SDK1: variants seen among roughly 807,000 people sequenced by gnomAD.
The protein encoded by SDK1 is protein sidekick-1.
In SDK1, 157 loss-of-function variants were observed where a neutral mutation model predicts 245.5. That is an observed-to-expected ratio of 0.64 (90% CI 0.56 to 0.73). The LOEUF (loss-of-function observed/expected upper bound fraction) is 0.73, where lower values mean the gene tolerates loss of function less well. Among genes scored for constraint, SDK1 ranks in the 30% least tolerant of loss-of-function variants. The pLI is 0.00. For missense variants in SDK1, 3,583 were observed against 3,002.3 expected (o/e 1.19, Z -4.52); for synonymous variants, 1,647 against 1,278.5 (o/e 1.29, Z -6.15).
At chr7:4,248,815 A>G (rs1787096990) in intron 44 of SDK1, among the ~76,000 whole-genome samples, 2 of 152,338 alleles carry the variant, frequency 1.3e-5, no homozygotes, top group Middle Eastern at 3.4e-3. Context: ...ACATGCACAC[A>G]GGCACATGGC....
chr7:3,306,650 G>C (rs1779423900), intron 1 of SDK1, among the ~76,000 whole-genome samples: 2 of 152,196 alleles, frequency 1.3e-5, no homozygotes, highest in African/African-American at 2.4e-5. Flanking sequence ...AAGGCTGCAA[G>C]TTAAGTGGGT....
chr7:4,185,520 C>G (rs1360318355), intron 35 of SDK1, among the ~76,000 whole-genome samples: 1 of 152,168 alleles, frequency 6.6e-6, no homozygotes, highest in African/African-American at 2.4e-5. Flanking sequence ...CAAGCTGTTT[C>G]CGCCTGGGAT....
chr7:3,430,155 G>A (rs1779796561), intron 1 of SDK1, among the ~76,000 whole-genome samples: 1 of 152,166 alleles, frequency 6.6e-6, no homozygotes. Flanking sequence ...AATGGCATCT[G>A]CCTTCATCTC....
chr7:3,321,247 A>G (rs1252374795), intron 1 of SDK1, among the ~76,000 whole-genome samples: 3 of 152,226 alleles, frequency 2.0e-5, no homozygotes, highest in Non-Finnish European at 4.4e-5. Flanking sequence ...CGTCAAAATC[A>G]AAGTGAAAAC....
At chr7:3,939,808 G>A (rs962413160) in intron 5 of SDK1, among the ~76,000 whole-genome samples, 3 of 152,206 alleles carry the variant, frequency 2.0e-5, no homozygotes, top group Admixed American at 6.5e-5. Flanking sequence ...AGATGCTTTT[G>A]CAGACAGGAA....
At chr7:3,692,082 C>G (rs1237481392) in intron 4 of SDK1, among the ~76,000 whole-genome samples, 1 of 152,114 alleles carries the variant, frequency 6.6e-6, no homozygotes, top group African/African-American at 2.4e-5. Context: ...TTCCTACTCT[C>G]ATTTAGCTTA....
intron 1 of SDK1, among the ~76,000 whole-genome samples, chr7:3,317,186 A>G (rs987232506): frequency 2.0e-5 from 3 of 149,624 alleles, no homozygotes; most frequent in African/African-American, 7.3e-5. Context: ...GTCTCAAAAA[A>G]AAAAAAAAAA....
chr7:3,707,099 G>T (rs1465459435), intron 4 of SDK1, among the ~76,000 whole-genome samples: 3 of 151,778 alleles, frequency 2.0e-5, no homozygotes, highest in Non-Finnish European at 4.4e-5. Flanking sequence ...GCTAGCTTTG[G>T]GTTTAGTTTG....
At chr7:3,574,163 C>G (rs1250573339) in intron 1 of SDK1, among the ~76,000 whole-genome samples, 1 of 150,944 alleles carries the variant, frequency 6.6e-6, no homozygotes, top group Non-Finnish European at 1.5e-5. Flanking sequence ...GTCACCTGGG[C>G]TAGAGTGCAG....
chr7:3,975,149 C>T (rs1044017225), intron 13 of SDK1, among the ~76,000 whole-genome samples: 1 of 152,236 alleles, frequency 6.6e-6, no homozygotes, highest in Non-Finnish European at 1.5e-5. Flanking sequence ...CTTTCTCCCT[C>T]CACTCCCCTC....
chr7:3,682,371 T>A (rs1784127138), intron 4 of SDK1, among the ~76,000 whole-genome samples: 2 of 152,226 alleles, frequency 1.3e-5, no homozygotes, highest in African/African-American at 4.8e-5. Context: ...TTTTTGAGAT[T>A]TGTAAATTAA....
At chr7:3,382,441 A>G (rs1781511734) in intron 1 of SDK1, among the ~76,000 whole-genome samples, 1 of 152,214 alleles carries the variant, frequency 6.6e-6, no homozygotes, top group African/African-American at 2.4e-5. Context: ...CTATTTAGCA[A>G]GAGAAATATA....
At chr7:4,115,298 A>G (rs1291943975) in intron 25 of SDK1, among the ~76,000 whole-genome samples, 2 of 152,146 alleles carry the variant, frequency 1.3e-5, no homozygotes, top group East Asian at 1.9e-4. Context: ...TTCATTCTGG[A>G]CTAACCTAGG....
chr7:3,502,153 A>G (rs1428158583), intron 1 of SDK1, among the ~76,000 whole-genome samples: 1 of 152,100 alleles, frequency 6.6e-6, no homozygotes, highest in African/African-American at 2.4e-5. Flanking sequence ...CACAAGGATT[A>G]TTAATTGGGG....
At chr7:3,630,468 C>T (rs890317581) in intron 2 of SDK1, among the ~76,000 whole-genome samples, 1 of 152,082 alleles carries the variant, frequency 6.6e-6, no homozygotes, top group Non-Finnish European at 1.5e-5. Context: ...CTGAAAATTA[C>T]ATATTTAAAA....
chr7:4,267,804 C>G lies in SDK1; in HGVS notation c.*2420C>G, dbSNP rs541400092. 5.7e-5 allele frequency: 56 copies of G among 985,632 alleles called. No homozygotes were observed. The highest frequency in any genetic ancestry group is 4.5e-4 in the African/African-American group (26 of 57,388). 61.1% of individuals were successfully genotyped at this position (985,632 alleles called of 1,614,324 possible). On this transcript the variant is annotated 3_prime_UTR_variant, in exon 45 of 45. Coordinates refer to ENST00000404826, the MANE Select transcript of SDK1 (RefSeq NM_152744.4). ...GTAAACCTTGATCTGTACGGAGCGGCCTGTCCGAGGCTACGCCGGCCTCCT... is the reference window on the plus strand; with the variant it reads ...GTAAACCTTGATCTGTACGGAGCGGGCTGTCCGAGGCTACGCCGGCCTCCT...
In SDK1 at chr7:4,210,008, G is replaced by T. The variant is rs751714681; in HGVS notation, c.5402-17G>T. The T allele has an allele frequency of 1.7e-5, 27 of 1,551,044 alleles. No homozygotes were observed. The Admixed American group carries it at 5.0e-4, about 29-fold the overall frequency. On this transcript the variant is annotated splice_polypyrimidine_tract_variant and intron_variant, in intron 37 of 44. Transcript: ENST00000404826. ...TAGGAGCCCCTGTAAAAGTCACTTT[G>T]TGTTCTATTCTCCCAGCCCCTGGGG... is the stretch of plus-strand genomic sequence containing the variant.
In SDK1 at chr7:3,806,438, C is replaced by T. The variant is rs181442633; in HGVS notation, c.714-15012C>T. Among the ~76,000 whole-genome samples, 3 of 152,330 alleles carry T rather than the reference C, an allele frequency of 2.0e-5. No individual in the cohort carries two copies. The East Asian group carries it at 5.8e-4, about 29-fold the overall frequency. Reference sequence around the variant, plus strand: ...GCCCACCACGAGAAGGCTCATGTGACCCAACAGACGGCTAAAGAGTTGGGC... The same window carrying T: ...GCCCACCACGAGAAGGCTCATGTGATCCAACAGACGGCTAAAGAGTTGGGC... On this transcript the variant is annotated intron_variant, in intron 4 of 44. Coordinates refer to ENST00000404826, the MANE Select transcript of SDK1 (RefSeq NM_152744.4).
chr7:3,942,959 T>C (rs1220725635), intron 5 of SDK1, among the ~76,000 whole-genome samples: 2 of 152,146 alleles, frequency 1.3e-5, no homozygotes, highest in Non-Finnish European at 2.9e-5. Flanking sequence ...TTGACCTCAT[T>C]GTTTTCTGGT....
Sources: allele counts gnomAD v4.1 joint callset (sites outside exome capture counted in the v4.1 genomes callset), GRCh38; gene constraint gnomAD v4.1.1; transcripts MANE v1.5; gene names NCBI Gene and HGNC (gene_info 2026-07-23, HGNC 2026-07-21).